The following SHANK2 variants were observed in gnomAD, a reference collection of about 807,000 sequenced individuals.
SHANK2 encodes SH3 and multiple ankyrin repeat domains 2.
Under a neutral mutation model 133.7 loss-of-function variants are expected in SHANK2, and 43 were observed. That is an observed-to-expected ratio of 0.32 (90% CI 0.25 to 0.41). SHANK2 has a LOEUF of 0.41. Ranked by LOEUF, SHANK2 falls within the 10% of genes least tolerant of loss-of-function variation. SHANK2 has a pLI of 1.00. For synonymous variants in SHANK2, 1,017 were observed against 952.8 expected (o/e 1.07, Z -1.24); for missense variants, 1,994 against 2,235.8 (o/e 0.89, Z 2.18).
chr11:70,642,593 C>T (rs2061199068), intron 17 of SHANK2, among the ~76,000 whole-genome samples: 1 of 152,192 alleles, frequency 6.6e-6, no homozygotes, highest in Admixed American at 6.5e-5. Flanking sequence ...CTGGGTGCTT[C>T]CCTCCCACGG....
intron 2 of SHANK2, among the ~76,000 whole-genome samples, chr11:71,176,701 A>T (rs1555113156): frequency 6.6e-6 from 1 of 152,190 alleles, no homozygotes; most frequent in East Asian, 1.9e-4. Flanking sequence ...ATGATAATAA[A>T]AGAAGAGAGT....
intron 2 of SHANK2, among the ~76,000 whole-genome samples, chr11:71,181,537 G>A (rs1953556325): frequency 6.6e-6 from 1 of 152,102 alleles, no homozygotes; most frequent in South Asian, 2.1e-4. Flanking sequence ...ATGAAGCCAA[G>A]GTCAGAATCT....
chr11:70,501,200 T>C (rs2059045674), intron 20 of SHANK2, among the ~76,000 whole-genome samples: 1 of 152,196 alleles, frequency 6.6e-6, no homozygotes, highest in African/African-American at 2.4e-5. Context: ...TGAGGCCTCA[T>C]GCCCATCCTC....
At chr11:71,189,996 T>A (rs1316579722) in intron 2 of SHANK2, among the ~76,000 whole-genome samples, 1 of 152,218 alleles carries the variant, frequency 6.6e-6, no homozygotes, top group African/African-American at 2.4e-5. Flanking sequence ...TCCAGTAGCA[T>A]GGTGAAGAGC....
At chr11:70,855,808 T>C (rs1949159697) in intron 11 of SHANK2, among the ~76,000 whole-genome samples, 1 of 152,200 alleles carries the variant, frequency 6.6e-6, no homozygotes, top group Non-Finnish European at 1.5e-5. Context: ...CATGGATTGT[T>C]GGATGAATGG....
chr11:71,206,773 A>T (rs11826026), intron 2 of SHANK2, among the ~76,000 whole-genome samples: 34,018 of 151,888 alleles, frequency 0.22, 4,281 homozygotes, highest in East Asian at 0.41. Flanking sequence ...GGCAACTACA[A>T]AAAATAAAAG....
chr11:70,485,700 T>C lies in SHANK2; in HGVS notation c.4593A>G (p.Thr1531=), dbSNP rs782365827. ...TAAATGCTTGCCCATCTGCATAGAC[T>C]GTGCAGGTGTCCACATTCTCTCCAC... ...SEGGENVDTC[T]VYADGQAFMV... is the part of the protein sequence containing the mutation. Residue 1531 remains threonine (T), a synonymous_variant, in exon 25 of 26, where the codon ACA becomes ACG. Transcript: ENST00000601538. The surrounding 1 kb of genome is among the most constrained non-coding windows in gnomAD (Gnocchi z 5.8). 14 of 1,613,982 alleles carry C rather than the reference T, an allele frequency of 8.7e-6. No individual in the cohort carries two copies. In the Admixed American group the frequency reaches 1.8e-4, roughly 21 times the overall value.
intron 12 of SHANK2, among the ~76,000 whole-genome samples, chr11:70,811,781 C>A (rs1948285698): frequency 6.6e-6 from 1 of 151,330 alleles, no homozygotes. Flanking sequence ...GCCATCCATC[C>A]ATCATGTATT....
intron 17 of SHANK2, among the ~76,000 whole-genome samples, chr11:70,590,628 C>T (rs1389363583): frequency 6.6e-6 from 1 of 152,206 alleles, no homozygotes; most frequent in Non-Finnish European, 1.5e-5. Context: ...ATTATGATGA[C>T]TCGCCGAAGG....
chr11:71,149,822 GGA>G, intron 2 of SHANK2, among the ~76,000 whole-genome samples: 1 of 132,602 alleles, frequency 7.5e-6, no homozygotes, highest in African/African-American at 2.9e-5. Context: ...GTGAGAGGGA[GGA>G]AAGAAGGGAG....
intron 3 of SHANK2, among the ~76,000 whole-genome samples, chr11:71,129,031 C>A (rs1215407376): frequency 6.6e-6 from 1 of 152,188 alleles, no homozygotes; most frequent in Non-Finnish European, 1.5e-5. Context: ...GATCCATCCG[C>A]CTCGGCCTCC....
At chr11:70,608,988 A>G (rs963680526) in intron 17 of SHANK2, among the ~76,000 whole-genome samples, 5 of 152,382 alleles carry the variant, frequency 3.3e-5, no homozygotes, top group Non-Finnish European at 5.9e-5. Flanking sequence ...TCGCTTAGCC[A>G]TGGTCAGTGG....
chr11:71,143,478 C>T (rs1241496462), intron 3 of SHANK2, among the ~76,000 whole-genome samples: 3 of 152,160 alleles, frequency 2.0e-5, no homozygotes, highest in African/African-American at 7.2e-5. Context: ...GGTGGTGGTC[C>T]GACTTCTTGT....
intron 17 of SHANK2, among the ~76,000 whole-genome samples, chr11:70,658,775 A>C (rs1191561774): frequency 1.3e-5 from 2 of 152,146 alleles, no homozygotes; most frequent in Non-Finnish European, 2.9e-5. Context: ...ACGGGTGGAG[A>C]TGTGGGCTCC....
intron 2 of SHANK2, 38 bp from the exon 3 acceptor site, chr11:71,147,376 T>C: frequency 6.7e-7 from 1 of 1,500,702 alleles, no homozygotes; most frequent in African/African-American, 1.4e-5. Context: ...GAACGGGAGA[T>C]GTGAAAATGA....
chr11:70,607,501 G>T (rs1222563194), intron 17 of SHANK2, among the ~76,000 whole-genome samples: 1 of 152,206 alleles, frequency 6.6e-6, no homozygotes, highest in African/African-American at 2.4e-5. Context: ...CCCATTCTGT[G>T]CCCAGCACCT....
chr11:70,663,319 G>T lies in SHANK2; in HGVS notation c.1854-1641C>A, dbSNP rs1240506494. On this transcript the variant is annotated intron_variant, in intron 15 of 25. Transcript: ENST00000601538. ...CAGCTGGTGACAGCACAGCCACCCCGGATTGGGGGGCCCTGGGGAGGAGGA... is the reference window on the plus strand; with the variant it reads ...CAGCTGGTGACAGCACAGCCACCCCTGATTGGGGGGCCCTGGGGAGGAGGA... Among the ~76,000 whole-genome samples, 3 of 152,162 alleles carry T rather than the reference G, an allele frequency of 2.0e-5. No homozygotes were observed. The South Asian group carries it at 6.2e-4, about 32-fold the overall frequency.
At chr11:70,910,913 T>TGTGC (rs1555078860) in intron 10 of SHANK2, 3 of 449,666 alleles carry the variant, frequency 6.7e-6, no homozygotes, top group Non-Finnish European at 9.0e-6. Context: ...TGTGTGTGTG[T>TGTGC]GCGCGTGCAT....
rs981460951 is a variant in SHANK2, at chr11:70,533,198, A to C, written c.2062-30267T>G. On this transcript the variant is annotated intron_variant, in intron 17 of 25. Transcript: ENST00000601538. ...GTTGCACACCCTGTGATTGTGTCGA[A>C]TATCACTGTACACTTTTGAATGGTG... Among the ~76,000 whole-genome samples the C allele has an allele frequency of 1.1e-4, 17 of 152,170 alleles. 1 individual carries two copies. The highest frequency in any genetic ancestry group is 6.5e-4 in the Admixed American group (10 of 15,274).
Sources: gnomAD v4.1 joint callset for allele counts (sites outside exome capture counted in the v4.1 genomes callset) on GRCh38, gnomAD v4.1.1 for gene constraint, Gnocchi (gnomAD v3.1) non-coding constraint, MANE v1.5 for transcripts, NCBI Gene and HGNC (gene_info 2026-07-23, HGNC 2026-07-21) for gene names.